The following CSMD1 variants were observed in gnomAD, a reference collection of about 807,000 sequenced individuals.
CSMD1 encodes CUB and Sushi multiple domains 1.
CSMD1 carries 213 observed loss-of-function variants against 417.5 expected under a neutral mutation model. The observed-to-expected ratio is 0.51, with a 90% CI of 0.46 to 0.57. CSMD1 has a LOEUF of 0.57. Among genes scored for constraint, CSMD1 ranks in the 20% least tolerant of loss-of-function variants. The pLI is 0.00. For synonymous variants in CSMD1, 2,862 were observed against 1,736.8 expected (o/e 1.65, Z -16.11); for missense variants, 6,923 against 4,529.7 (o/e 1.53, Z -15.17).
intron 3 of CSMD1, among the ~76,000 whole-genome samples, chr8:4,035,004 G>C (rs1042042634): frequency 2.0e-5 from 3 of 152,078 alleles, no homozygotes; most frequent in African/African-American, 7.2e-5. Flanking sequence ...CTGTTAAAAG[G>C]GCCTGAAATT....
rs35376940 is a variant in CSMD1, at chr8:4,937,232, A to AT, written c.85+57099_85+57100insA. Among the ~76,000 whole-genome samples the AT allele has an allele frequency of 2.6e-5, 4 of 152,028 alleles. 1 individual carries two copies. Among genetic ancestry groups the AT allele is most frequent in the African/African-American group, 9.6e-5 (4 of 41,474 alleles). ...TGTCTCAAAATAAATAAATAAATAA[A>AT]ATTATTTTTTATAAATATAAGGACA... On this transcript the variant is annotated intron_variant, in intron 1 of 69. Transcript: ENST00000635120.
chr8:4,102,360 C>G (rs1204844948), intron 3 of CSMD1, among the ~76,000 whole-genome samples: 1 of 152,136 alleles, frequency 6.6e-6, no homozygotes, highest in Non-Finnish European at 1.5e-5. Context: ...TTTTTCCTTG[C>G]AAGAGAAACT....
intron 7 of CSMD1, among the ~76,000 whole-genome samples, chr8:3,618,643 T>A (rs1230395628): frequency 6.6e-6 from 1 of 152,088 alleles, no homozygotes; most frequent in East Asian, 1.9e-4. Context: ...GACCTGTATT[T>A]CCCTATGGAA....
intron 23 of CSMD1, among the ~76,000 whole-genome samples, chr8:3,338,919 T>C (rs1807456726): frequency 6.6e-6 from 1 of 151,668 alleles, no homozygotes; most frequent in African/African-American, 2.4e-5. Flanking sequence ...TGTGCCATGC[T>C]GGTGCGCTGC....
At chr8:3,037,283 G>A (rs936331948) in intron 50 of CSMD1, among the ~76,000 whole-genome samples, 9 of 149,584 alleles carry the variant, frequency 6.0e-5, no homozygotes, top group African/African-American at 2.2e-4. Context: ...TCGGCTCACT[G>A]CAAGCTCCGC....
chr8:3,043,728 T>C (rs1306762588), intron 50 of CSMD1: 1 of 152,276 alleles, frequency 6.6e-6, no homozygotes, highest in Non-Finnish European at 1.5e-5. Flanking sequence ...TACCAGTTTA[T>C]TTTCAAGTGC....
intron 50 of CSMD1, among the ~76,000 whole-genome samples, chr8:3,048,740 C>T (rs530585525): frequency 6.6e-6 from 1 of 151,910 alleles, no homozygotes; most frequent in Non-Finnish European, 1.5e-5. Context: ...TGTTGAACTT[C>T]ATTAAAATTA....
At chr8:3,971,702 G>C (rs999096297) in intron 5 of CSMD1, among the ~76,000 whole-genome samples, 2 of 152,148 alleles carry the variant, frequency 1.3e-5, no homozygotes, top group East Asian at 1.9e-4. Context: ...GCAAGGATAC[G>C]AGCCTCTTCC....
At chr8:4,897,470 G>C (rs1042095648) in intron 1 of CSMD1, among the ~76,000 whole-genome samples, 8 of 152,014 alleles carry the variant, frequency 5.3e-5, no homozygotes, top group African/African-American at 1.7e-4. Context: ...TATCTTTAAG[G>C]AGTGGTTTGG....
intron 5 of CSMD1, among the ~76,000 whole-genome samples, chr8:3,792,524 C>T (rs985026433): frequency 6.6e-6 from 1 of 152,136 alleles, no homozygotes; most frequent in Non-Finnish European, 1.5e-5. Flanking sequence ...TCAATTATCT[C>T]ACAATTGATT....
At chr8:4,076,080 T>C (rs1050725907) in intron 3 of CSMD1, among the ~76,000 whole-genome samples, 1 of 152,150 alleles carries the variant, frequency 6.6e-6, no homozygotes, top group Non-Finnish European at 1.5e-5. Context: ...CCAAATCTCA[T>C]CTTGAATTGC....
chr8:3,158,766 G>T (rs1326940582), intron 38 of CSMD1, among the ~76,000 whole-genome samples: 1 of 151,916 alleles, frequency 6.6e-6, no homozygotes, highest in Non-Finnish European at 1.5e-5. Flanking sequence ...TCCTGATCGT[G>T]ACTCGGTGGC....
chr8:3,335,344 G>A (rs565930950), intron 23 of CSMD1, among the ~76,000 whole-genome samples: 1 of 152,176 alleles, frequency 6.6e-6, no homozygotes, highest in African/African-American at 2.4e-5. Context: ...AGCCAGTGGT[G>A]TGTGTCCCAA....
intron 8 of CSMD1, among the ~76,000 whole-genome samples, chr8:3,599,125 C>CTGTGTGTGTGTGTGTGTGTG (rs143211609): frequency 2.8e-5 from 4 of 144,506 alleles, no homozygotes; most frequent in African/African-American, 1.0e-4. Flanking sequence ...TTGCTTACTG[C>CTGTGTGTGTGTGTGTGTGTG]TGTGTGTGTG....
rs1221868998 is a variant in CSMD1 at position 2,955,707 on chromosome 8, A to G, written c.9876T>C (p.Pro3292=). The change falls in exon 64 of 70, where the codon CCT becomes CCC. Residue 3292 remains proline, a synonymous_variant. Transcript: ENST00000635120. ...AHADVRAIDL[P]TFGYTLVYTC... ...TGTACACTAAGGTGTAGCCGAAAGT[A>G]GGAAGATCGATGGCTCTCACATCCG... 6.2e-7 allele frequency: 1 copy of G among 1,613,838 alleles called. No homozygotes were observed. The highest frequency in any genetic ancestry group is 1.3e-5 in the African/African-American group (1 of 74,930).
chr8:3,911,970 C>T (rs1808493769), intron 5 of CSMD1, among the ~76,000 whole-genome samples: 1 of 152,202 alleles, frequency 6.6e-6, no homozygotes. Flanking sequence ...CATCTTCCCA[C>T]AAGTTTCCTG....
At chr8:3,362,969 C>T (rs1054328344) in intron 20 of CSMD1, among the ~76,000 whole-genome samples, 2 of 152,198 alleles carry the variant, frequency 1.3e-5, no homozygotes, top group African/African-American at 4.8e-5. Context: ...TCAAATCCAT[C>T]CAATGGCTTC....
intron 7 of CSMD1, among the ~76,000 whole-genome samples, chr8:3,635,219 T>C (rs779026722): frequency 1.2e-4 from 18 of 152,086 alleles, no homozygotes; most frequent in Admixed American, 5.9e-4. Context: ...CTCACGCCTG[T>C]AATCCCAGCA....
At chr8:4,432,557 C>G (rs1011189886) in intron 2 of CSMD1, among the ~76,000 whole-genome samples, 1 of 152,102 alleles carries the variant, frequency 6.6e-6, no homozygotes, top group Non-Finnish European at 1.5e-5. Context: ...CCATAAAACA[C>G]CCTTATGACT....
Sources: gnomAD v4.1 joint callset for allele counts (sites outside exome capture counted in the v4.1 genomes callset) on GRCh38, gnomAD v4.1.1 for gene constraint, MANE v1.5 for transcripts, NCBI Gene and HGNC (gene_info 2026-07-23, HGNC 2026-07-21) for gene names.